Variants in TMEM117 observed in about 807,000 individuals in gnomAD.
TMEM117 encodes transmembrane protein 117.
TMEM117 carries 27 observed loss-of-function variants against 52.4 expected under a neutral mutation model. That is an observed-to-expected ratio of 0.51 (90% confidence interval 0.38 to 0.71). The LOEUF is 0.71. Ranked by LOEUF, TMEM117 falls within the 30% of genes least tolerant of loss-of-function variation. TMEM117 has a pLI of 0.00. For synonymous variants in TMEM117, 215 were observed against 206.3 expected (o/e 1.04, Z -0.36); for missense variants, 556 against 630.5 (o/e 0.88, Z 1.26).
chr12:44,260,286 C>A (rs1950306031), intron 5 of TMEM117, among the ~76,000 whole-genome samples: 1 of 152,192 alleles, frequency 6.6e-6, no homozygotes, highest in Admixed American at 6.5e-5. Context: ...GTCTTACAGA[C>A]TCACTTGTGA....
At chr12:44,097,161 T>G (rs1442770347) in intron 3 of TMEM117, among the ~76,000 whole-genome samples, 2 of 152,036 alleles carry the variant, frequency 1.3e-5, no homozygotes, top group African/African-American at 4.8e-5. Flanking sequence ...AAAACCATAA[T>G]GAGACACCAT....
intron 6 of TMEM117, among the ~76,000 whole-genome samples, chr12:44,300,718 G>T (rs1281653152): frequency 6.6e-6 from 1 of 151,922 alleles, no homozygotes; most frequent in Non-Finnish European, 1.5e-5. Flanking sequence ...CTACTTTAAT[G>T]GATAATATTT....
intron 3 of TMEM117, among the ~76,000 whole-genome samples, chr12:43,997,625 T>C (rs1946052720): frequency 6.6e-6 from 1 of 152,220 alleles, no homozygotes; most frequent in Non-Finnish European, 1.5e-5. Flanking sequence ...CTGTAATTTC[T>C]TATTTTCATT....
intron 5 of TMEM117, among the ~76,000 whole-genome samples, chr12:44,230,158 C>G (rs540331832): frequency 1.3e-5 from 2 of 152,004 alleles, no homozygotes; most frequent in South Asian, 4.2e-4. Flanking sequence ...ACTGTTTTCC[C>G]AGTTTTATAC....
At chr12:44,246,769 C>T (rs1950135908) in intron 5 of TMEM117, among the ~76,000 whole-genome samples, 1 of 152,158 alleles carries the variant, frequency 6.6e-6, no homozygotes, top group African/African-American at 2.4e-5. Context: ...CAGTAACAGT[C>T]TCAATGGAGC....
At chr12:44,080,456 G>A (rs556079651) in intron 3 of TMEM117, among the ~76,000 whole-genome samples, 1 of 152,240 alleles carries the variant, frequency 6.6e-6, no homozygotes, top group East Asian at 1.9e-4. Flanking sequence ...CCCATGACAC[G>A]TGGAGATTAG....
chr12:44,178,356 C>A (rs1259172470), intron 4 of TMEM117, among the ~76,000 whole-genome samples: 1 of 152,138 alleles, frequency 6.6e-6, no homozygotes, highest in Non-Finnish European at 1.5e-5. Flanking sequence ...TTATATTTAA[C>A]CTTATTTACT....
chr12:44,111,158 C>A (rs1264538641), intron 3 of TMEM117, among the ~76,000 whole-genome samples: 4 of 174 alleles, frequency 0.023, no homozygotes, highest in Non-Finnish European at 0.033. Context: ...AAAAAACCAG[C>A]TCCTGGATTC....
At chr12:44,031,883 G>A (rs1946638450) in intron 3 of TMEM117, among the ~76,000 whole-genome samples, 2 of 152,190 alleles carry the variant, frequency 1.3e-5, no homozygotes, top group African/African-American at 2.4e-5. Context: ...TGGCTGGAAT[G>A]GCATGCTTTC....
chr12:43,959,587 T>G (rs923400519), intron 3 of TMEM117, among the ~76,000 whole-genome samples: 6 of 152,204 alleles, frequency 3.9e-5, no homozygotes, highest in Non-Finnish European at 8.8e-5. Context: ...CAGGTGCACA[T>G]TTTTACTGAT....
intron 3 of TMEM117, among the ~76,000 whole-genome samples, chr12:44,130,175 G>A (rs752563976): frequency 6.6e-5 from 10 of 152,164 alleles, no homozygotes; most frequent in Non-Finnish European, 1.2e-4. Flanking sequence ...TTTTTAAAAT[G>A]TGGAAATAAT....
At chr12:43,799,364 A>G in the TMEM117 span, 2 of 1,392,140 alleles carry the variant, frequency 1.4e-6, no homozygotes, top group Non-Finnish European at 2.0e-6. Context: ...TCAAACACTT[A>G]AAATCTTGCA....
chr12:44,075,944 T>C (rs1947375015), intron 3 of TMEM117, among the ~76,000 whole-genome samples: 1 of 152,202 alleles, frequency 6.6e-6, no homozygotes, highest in African/African-American at 2.4e-5. Context: ...CATAACTTGG[T>C]AGACTAGCAT....
chr12:44,253,835 TA>T (rs1950223041), intron 5 of TMEM117, among the ~76,000 whole-genome samples: 1 of 136,260 alleles, frequency 7.3e-6, no homozygotes, highest in Admixed American at 7.5e-5. Context: ...TGATAATTCC[TA>T]CACACACACA....
At chr12:43,828,718 A>G in the TMEM117 span, among the ~76,000 whole-genome samples, 1 of 152,200 alleles carries the variant, frequency 6.6e-6, no homozygotes, top group Non-Finnish European at 1.5e-5. Context: ...GCTGGACCTG[A>G]GAAGTCCATT....
At chr12:43,849,139 A>G (rs1451800538) in intron 2 of TMEM117, among the ~76,000 whole-genome samples, 2 of 152,244 alleles carry the variant, frequency 1.3e-5, no homozygotes, top group Non-Finnish European at 2.9e-5. Flanking sequence ...TTAAACAAGC[A>G]TCATGTCCTA....
chr12:43,928,205 A>G (rs1395126949), intron 2 of TMEM117, among the ~76,000 whole-genome samples: 3 of 151,328 alleles, frequency 2.0e-5, no homozygotes, highest in South Asian at 4.2e-4. Context: ...ACTGTAATCA[A>G]CCTCTTCTTA....
At chr12:44,135,288 A>C (rs1237325812) in intron 3 of TMEM117, among the ~76,000 whole-genome samples, 1 of 152,208 alleles carries the variant, frequency 6.6e-6, no homozygotes, top group African/African-American at 2.4e-5. Context: ...CTGAGTGATA[A>C]TCCAAGATGG....
At chr12:44,266,226 A>G (rs1167146927) in intron 5 of TMEM117, among the ~76,000 whole-genome samples, 1 of 152,184 alleles carries the variant, frequency 6.6e-6, no homozygotes, top group African/African-American at 2.4e-5. Context: ...CAAACTGGCT[A>G]TAGCAGTTTG....
Sources: gnomAD v4.1 joint callset for allele counts (sites outside exome capture counted in the v4.1 genomes callset) on GRCh38, gnomAD v4.1.1 for gene constraint, MANE v1.5 for transcripts, NCBI Gene and HGNC (gene_info 2026-07-23, HGNC 2026-07-21) for gene names.